The following PTN variants were observed in gnomAD, a reference collection of about 807,000 sequenced individuals.
The protein encoded by PTN is heparin affin regulatory protein.
A neutral mutation model predicts 24.1 loss-of-function variants in PTN; 18 were observed. The ratio of observed to expected loss-of-function variants is 0.75; its 90% CI spans 0.52 to 1.11. The LOEUF (loss-of-function observed/expected upper bound fraction) is 1.11. Among genes scored for constraint, PTN ranks in the 50% least tolerant of loss-of-function variants. The pLI, the probability that PTN is intolerant of heterozygous loss-of-function variation, is 0.00. For missense variants in PTN, 163 were observed against 198.8 expected (o/e 0.82, Z 1.08); for synonymous variants, 78 against 68.6 (o/e 1.14, Z -0.67).
intron 1 of PTN, among the ~76,000 whole-genome samples, chr7:137,315,082 A>G (rs983975536): frequency 6.6e-6 from 1 of 152,172 alleles, no homozygotes; most frequent in African/African-American, 2.4e-5. Flanking sequence ...ACGCTCATAG[A>G]TAGGATAGAG....
chr7:137,254,887 A>G lies in PTN; in HGVS notation c.87T>C (p.Thr29=). ...AFIFILAAVD[T]AEAGKKEKPE... is the part of the protein sequence containing the mutation. ...GTTTCTCTTTCTTCCCTGCTTCAGC[A>G]GTATCCACAGCTGCCAGTATGAAAA... is the stretch of plus-strand genomic sequence containing the variant. The change falls in exon 2 of 5, where the codon ACT becomes ACC. Residue 29 remains threonine (T), a synonymous_variant. Coordinates refer to ENST00000348225, the MANE Select transcript of PTN (RefSeq NM_002825.7). The G allele has an allele frequency of 6.3e-7, 1 of 1,577,146 alleles. No homozygotes were observed. The highest frequency in any genetic ancestry group is 8.7e-7 in the Non-Finnish European group (1 of 1,152,666).
At chr7:137,335,167 C>G (rs1487035640) in intron 1 of PTN, among the ~76,000 whole-genome samples, 1 of 151,388 alleles carries the variant, frequency 6.6e-6, no homozygotes, top group Non-Finnish European at 1.5e-5. Context: ...ACATTGTGCA[C>G]ATGTACCCTA....
chr7:137,265,164 T>C (rs1463098476), intron 1 of PTN, among the ~76,000 whole-genome samples: 2 of 152,188 alleles, frequency 1.3e-5, no homozygotes, highest in Non-Finnish European at 2.9e-5. Context: ...TTAAATCCTG[T>C]AGCTATTTGA....
At chr7:137,278,810 G>A (rs376181689) in intron 1 of PTN, among the ~76,000 whole-genome samples, 6 of 151,264 alleles carry the variant, frequency 4.0e-5, no homozygotes, top group South Asian at 4.2e-4. Context: ...GCATGGTGGC[G>A]CACACCTGTA....
chr7:137,293,699 G>A lies in PTN; in HGVS notation c.-1-38725C>T, dbSNP rs545785864. 5.3e-5 allele frequency among the ~76,000 whole-genome samples: 8 copies of A among 152,100 alleles called. No homozygotes were observed. In the South Asian group the frequency reaches 1.7e-3, roughly 32 times the overall value. ...AGAGATTTCCTGTATACTCCCTGCC[G>A]CCGCACATGCATAACCTCCCCCGTG... On this transcript the variant is annotated intron_variant, in intron 1 of 4. Coordinates refer to ENST00000348225, the MANE Select transcript of PTN (RefSeq NM_002825.7).
chr7:137,230,455 G>C (rs1339965801), intron 4 of PTN, among the ~76,000 whole-genome samples: 1 of 151,766 alleles, frequency 6.6e-6, no homozygotes, highest in African/African-American at 2.4e-5. Context: ...TGCAGAACTT[G>C]AGTCTACTCT....
At chr7:137,278,944 A>T (rs1809416379) in intron 1 of PTN, among the ~76,000 whole-genome samples, 1 of 96,302 alleles carries the variant, frequency 1.0e-5, no homozygotes, top group African/African-American at 3.6e-5. Flanking sequence ...CCATCTCAGA[A>T]CAATAATAAT....
At chr7:137,256,601 A>C (rs1011433468) in intron 1 of PTN, among the ~76,000 whole-genome samples, 1 of 152,132 alleles carries the variant, frequency 6.6e-6, no homozygotes, top group Admixed American at 6.6e-5. Flanking sequence ...TGGCTTTGCT[A>C]TGTAATAGTG....
chr7:137,259,412 T>C (rs1437280644), intron 1 of PTN, among the ~76,000 whole-genome samples: 1 of 152,042 alleles, frequency 6.6e-6, no homozygotes, highest in Non-Finnish European at 1.5e-5. Context: ...TTGAGTGTCC[T>C]TGAACAAATT....
At chr7:137,275,577 T>C (rs1409557888) in intron 1 of PTN, among the ~76,000 whole-genome samples, 1 of 152,180 alleles carries the variant, frequency 6.6e-6, no homozygotes, top group African/African-American at 2.4e-5. Context: ...GTGTTTATGA[T>C]AATATTCTTG....
rs1221436745 is a variant in PTN, at chr7:137,261,778, C to T, written c.-1-6804G>A. Among the ~76,000 whole-genome samples, 4 of 152,232 alleles carry T rather than the reference C, an allele frequency of 2.6e-5. No individual in the cohort carries two copies. In the East Asian group the frequency reaches 7.7e-4, roughly 29 times the overall value. The stretch of plus-strand genomic sequence containing the variant: ...ATTAGGCAAAAGGTATAATCTAGTG[C>T]TAACAACAGGCTGAATGAGGAAACC... On this transcript the variant is annotated intron_variant, in intron 1 of 4. Transcript: ENST00000348225.
intron 4 of PTN, among the ~76,000 whole-genome samples, chr7:137,233,259 T>C (rs1051664957): frequency 6.6e-6 from 1 of 151,964 alleles, no homozygotes; most frequent in African/African-American, 2.4e-5. Flanking sequence ...ATCTAGAGAA[T>C]TGGTTCAAAT....
intron 1 of PTN, among the ~76,000 whole-genome samples, chr7:137,258,380 G>A (rs1808973115): frequency 6.6e-6 from 1 of 152,126 alleles, no homozygotes; most frequent in Non-Finnish European, 1.5e-5. Context: ...AATCTTCTAT[G>A]AAATAAATGC....
In PTN at chr7:137,239,386, A is replaced by ATTTT. The variant is rs921853375; in HGVS notation, c.452-11312_452-11311insAAAA. On this transcript the variant is annotated intron_variant, in intron 4 of 4. Transcript: ENST00000348225. ...ATGTAATTTTCTTTTTTATTTATTT[A>ATTTT]TTTATTTATTTATTTATTTATTTAT... 6.3e-4 allele frequency among the ~76,000 whole-genome samples: 70 copies of ATTTT among 110,334 alleles called. 1 individual carries two copies. In the East Asian group the frequency reaches 0.021, roughly 33 times the overall value. 72.4% of individuals were successfully genotyped at this position (110,334 alleles called of 152,430 possible). A position where few individuals can be genotyped will look rare whatever the true frequency, so the allele number is the denominator to read the frequency against.
intron 1 of PTN, among the ~76,000 whole-genome samples, chr7:137,313,328 T>G (rs1810015125): frequency 6.6e-6 from 1 of 152,166 alleles, no homozygotes; most frequent in Non-Finnish European, 1.5e-5. Context: ...CACTCACAAC[T>G]GTTTTGCAGA....
intron 4 of PTN, among the ~76,000 whole-genome samples, chr7:137,231,322 T>G (rs971796912): frequency 1.3e-5 from 2 of 151,926 alleles, no homozygotes; most frequent in African/African-American, 4.8e-5. Flanking sequence ...CTTTTCATAT[T>G]ATTTCCTCTT....
rs1273383597 is a variant in PTN, at chr7:137,254,852, T to C, written c.115+7A>G. 2 of 1,536,146 alleles carry C rather than the reference T, an allele frequency of 1.3e-6. No homozygotes were observed. Among genetic ancestry groups the C allele is most frequent in the Non-Finnish European group, 1.8e-6 (2 of 1,124,128 alleles). On this transcript the variant is annotated splice_region_variant and intron_variant, in intron 2 of 4. Coordinates refer to ENST00000348225, the MANE Select transcript of PTN (RefSeq NM_002825.7). ...AAGCATCTTGCCTTCAGAACCCTAC[T>C]GCTTACCTGGTTTCTCTTTCTTCCC...
intron 1 of PTN, among the ~76,000 whole-genome samples, chr7:137,325,054 A>G (rs151037290): frequency 0.014 from 2,189 of 152,280 alleles, 26 homozygotes; most frequent in Middle Eastern, 0.061. Flanking sequence ...GGAAACAGAT[A>G]AGGCAGAGCT....
At chr7:137,286,383 T>C (rs964900804) in intron 1 of PTN, among the ~76,000 whole-genome samples, 3 of 152,320 alleles carry the variant, frequency 2.0e-5, no homozygotes, top group Admixed American at 6.5e-5. Flanking sequence ...TCTGGCCTAC[T>C]GTTTCATTAC....
Sources: allele counts gnomAD v4.1 joint callset (sites outside exome capture counted in the v4.1 genomes callset), GRCh38; gene constraint gnomAD v4.1.1; transcripts MANE v1.5; gene names NCBI Gene and HGNC (gene_info 2026-07-23, HGNC 2026-07-21).